Variants in MXRA8 observed in about 807,000 individuals in gnomAD.
MXRA8 encodes matrix remodeling associated 8, also known as matrix remodeling-associated protein 8.
A neutral mutation model predicts 51.4 loss-of-function variants in MXRA8; 44 were observed. The observed-to-expected ratio is 0.86, with a 90% CI of 0.67 to 1.10. MXRA8 has a LOEUF of 1.10. Among genes scored for constraint, MXRA8 ranks in the 50% least tolerant of loss-of-function variants. The pLI is 0.00. For missense variants in MXRA8, 765 were observed against 638.9 expected, an observed-to-expected ratio of 1.20 and a Z score of -2.13; for synonymous variants, 369 against 293.5, an observed-to-expected ratio of 1.26 and a Z score of -2.63.
intron 1 of MXRA8, among the ~76,000 whole-genome samples, chr1:1,357,932 C>G (rs1435968169): frequency 6.6e-6 from 1 of 152,142 alleles, no homozygotes; most frequent in Non-Finnish European, 1.5e-5. Context: ...CCCCAGGGCC[C>G]GTGGGTGATA....
Sources: allele counts gnomAD v4.1 joint callset (sites outside exome capture counted in the v4.1 genomes callset), GRCh38; gene constraint gnomAD v4.1.1; transcripts MANE v1.5; gene names NCBI Gene and HGNC (gene_info 2026-07-23, HGNC 2026-07-21).